Variants in MAD1L1 observed in about 807,000 individuals in gnomAD.
MAD1L1 encodes the protein mitotic arrest deficient 1 like 1, also known as mitotic spindle assembly checkpoint protein MAD1.
In MAD1L1, 95 loss-of-function variants were observed where a neutral mutation model predicts 96.9. The observed-to-expected ratio is 0.98, with a 90% CI of 0.83 to 1.16. The LOEUF is 1.16. Among genes scored for constraint, MAD1L1 ranks in the 50% most tolerant of loss-of-function variants. The pLI, the probability that MAD1L1 is intolerant of heterozygous loss-of-function variation, is 0.00. For missense variants in MAD1L1, 1,007 were observed against 954.4 expected (o/e 1.06, Z -0.73); for synonymous variants, 473 against 396.6 (o/e 1.19, Z -2.29).
intron 16 of MAD1L1, among the ~76,000 whole-genome samples, chr7:1,940,890 T>C (rs1486539392): frequency 1.3e-5 from 1 of 75,132 alleles, no homozygotes; most frequent in African/African-American, 5.7e-5. Flanking sequence ...CCGCACAGCG[T>C]GTACTCAGCC....
intron 10 of MAD1L1, among the ~76,000 whole-genome samples, chr7:2,208,889 C>G (rs930999160): frequency 5.3e-5 from 8 of 152,084 alleles, no homozygotes; most frequent in Admixed American, 3.9e-4. Flanking sequence ...CCTGGGAGAC[C>G]AAGCTGATCA....
chr7:2,224,308 C>T (rs985649860), intron 4 of MAD1L1, among the ~76,000 whole-genome samples: 1 of 152,150 alleles, frequency 6.6e-6, no homozygotes, highest in Non-Finnish European at 1.5e-5. Context: ...AGGGAGACTC[C>T]TGTGGACTCT....
chr7:2,108,623 C>T (rs1562694882), intron 11 of MAD1L1, among the ~76,000 whole-genome samples: 1 of 152,200 alleles, frequency 6.6e-6, no homozygotes, highest in Non-Finnish European at 1.5e-5. Context: ...CTGAACAAAG[C>T]CTTCCTCTGT....
rs575590121 is a variant in MAD1L1 at position 2,014,764 on chromosome 7, C to A, written c.1219-122G>T. ...GGGGGCTCCCTCGTGAGGACCCAGG[C>A]CAGCACTCAGAGCCCACCCCTGAGG... On this transcript the variant is annotated intron_variant, in intron 12 of 18. Coordinates refer to ENST00000265854, the MANE Select transcript of MAD1L1 (RefSeq NM_001013836.2). 6 of 1,187,246 alleles carry A rather than the reference C, an allele frequency of 5.1e-6. No homozygotes were observed. In the South Asian group the frequency reaches 6.8e-5, roughly 14 times the overall value. The allele number at this position is 1,187,246 out of a possible 1,614,324, so 73.5% of individuals were successfully genotyped here.
At chr7:1,993,094 G>A (rs753031593) in intron 14 of MAD1L1, among the ~76,000 whole-genome samples, 7 of 152,148 alleles carry the variant, frequency 4.6e-5, no homozygotes, top group African/African-American at 7.2e-5. Context: ...TCTAAGTTTC[G>A]TGGAGTGGAA....
At chr7:1,880,116 T>C (rs558856004) in intron 18 of MAD1L1, among the ~76,000 whole-genome samples, 1 of 152,286 alleles carries the variant, frequency 6.6e-6, no homozygotes, top group Non-Finnish European at 1.5e-5. Flanking sequence ...ATAGGCCAAC[T>C]AGGACTCGCC....
chr7:1,877,931 G>A (rs763641854), intron 18 of MAD1L1, among the ~76,000 whole-genome samples: 39 of 152,024 alleles, frequency 2.6e-4, no homozygotes, highest in South Asian at 4.1e-4. Flanking sequence ...TAAAAAAATC[G>A]ATAAAACTTA....
In MAD1L1 at chr7:2,161,987, G is replaced by A. The variant is rs542636851; in HGVS notation, c.987-12749C>T. ...GTCCGGGAGGTGGGGGGCGGCCCCC[G>A]CCCATCCGGGAGGTGGGGGGCGGCC... On this transcript the variant is annotated intron_variant, in intron 10 of 18. Coordinates refer to ENST00000265854, the MANE Select transcript of MAD1L1 (RefSeq NM_001013836.2). Among the ~76,000 whole-genome samples, 691 of 141,426 alleles carry A rather than the reference G, an allele frequency of 4.9e-3. 12 individuals carry two copies. Among genetic ancestry groups the A allele is most frequent in the African/African-American group, 0.017 (641 of 37,056 alleles). The allele number at this position is 141,426 out of a possible 152,430, so 92.8% of individuals were successfully genotyped here. A position where few individuals can be genotyped will look rare whatever the true frequency, so the allele number is the denominator to read the frequency against.
At chr7:2,132,015 C>A (rs1178808494) in intron 11 of MAD1L1, among the ~76,000 whole-genome samples, 1 of 152,212 alleles carries the variant, frequency 6.6e-6, no homozygotes, top group Non-Finnish European at 1.5e-5. Flanking sequence ...TCCTGACGCT[C>A]AGCGTGGTCC....
At position 2,177,838 on chromosome 7, in the gene MAD1L1, C is replaced by A. The variant is rs1791016645; in HGVS notation, c.987-28600G>T. On this transcript the variant is annotated intron_variant, in intron 10 of 18. Coordinates refer to ENST00000265854, the MANE Select transcript of MAD1L1 (RefSeq NM_001013836.2). Reference sequence around the variant, plus strand: ...GAGTTTGCATCTTCAACAAGAAGGGCAGTCTCAGTGGCTCTGGAGAAGGAC... The same window carrying A: ...GAGTTTGCATCTTCAACAAGAAGGGAAGTCTCAGTGGCTCTGGAGAAGGAC... Among the ~76,000 whole-genome samples, 3 of 152,342 alleles carry A rather than the reference C, an allele frequency of 2.0e-5. No homozygotes were observed. In the South Asian group the frequency reaches 6.2e-4, roughly 32 times the overall value.
intron 12 of MAD1L1, among the ~76,000 whole-genome samples, chr7:2,061,700 A>G (rs67830812): frequency 0.13 from 19,939 of 152,310 alleles, 1,881 homozygotes; most frequent in African/African-American, 0.26. Flanking sequence ...CAAACGTCAT[A>G]CACGTGTTAA....
At chr7:1,957,119 C>T (rs1779760324) in intron 16 of MAD1L1, among the ~76,000 whole-genome samples, 2 of 152,330 alleles carry the variant, frequency 1.3e-5, no homozygotes, top group African/African-American at 2.4e-5. Flanking sequence ...CAGCGCGGCT[C>T]GGAGCCGCCC....
chr7:1,919,161 G>A (rs572756473), intron 17 of MAD1L1, among the ~76,000 whole-genome samples: 4 of 152,376 alleles, frequency 2.6e-5, no homozygotes, highest in African/African-American at 9.6e-5. Context: ...AACTGCCCCA[G>A]GACCTGGGCC....
intron 16 of MAD1L1, among the ~76,000 whole-genome samples, chr7:1,939,396 G>A (rs917819018): frequency 1.3e-5 from 2 of 152,244 alleles, no homozygotes; most frequent in African/African-American, 2.4e-5. Context: ...CAGGGCTCCC[G>A]CCAAGTGCTG....
At chr7:2,087,399 G>T (rs1276809217) in intron 11 of MAD1L1, among the ~76,000 whole-genome samples, 1 of 152,112 alleles carries the variant, frequency 6.6e-6, no homozygotes, top group East Asian at 1.9e-4. Context: ...AATTAGCCAG[G>T]CCTGGTGGCG....
In MAD1L1 at chr7:1,898,195, C is replaced by A; in HGVS notation, c.1998+5G>T. The A allele has an allele frequency of 6.2e-7, 1 of 1,603,438 alleles. No individual in the cohort carries two copies. Among genetic ancestry groups the A allele is most frequent in the Non-Finnish European group, 8.5e-7 (1 of 1,174,832 alleles). ...AGCCGGAGAGCCGTCACACGCAGGA[C>A]CCACCTTGAAGATGAGGCAGTCGCC... On this transcript the variant is annotated splice_donor_5th_base_variant and intron_variant, in intron 18 of 18. Coordinates refer to ENST00000265854, the MANE Select transcript of MAD1L1 (RefSeq NM_001013836.2).
At chr7:1,846,579 G>T (rs1053869904) in intron 18 of MAD1L1, 1 of 155,036 alleles carries the variant, frequency 6.5e-6, no homozygotes, top group African/African-American at 2.4e-5. Context: ...GCCCTGGGAG[G>T]TCACTGGGAC....
intron 17 of MAD1L1, among the ~76,000 whole-genome samples, chr7:1,928,913 C>T (rs986577056): frequency 4.6e-5 from 7 of 152,322 alleles, no homozygotes; most frequent in African/African-American, 1.7e-4. Flanking sequence ...TCACTGAGGC[C>T]ACCTGTGGGG....
intron 17 of MAD1L1, among the ~76,000 whole-genome samples, chr7:1,934,826 T>C (rs1464423231): frequency 1.9e-3 from 177 of 91,008 alleles, no homozygotes; most frequent in Middle Eastern, 0.011. Flanking sequence ...AACAAACAGA[T>C]GGGCAAACCC....
Sources: gnomAD v4.1 joint callset for allele counts (sites outside exome capture counted in the v4.1 genomes callset) on GRCh38, gnomAD v4.1.1 for gene constraint, MANE v1.5 for transcripts, NCBI Gene and HGNC (gene_info 2026-07-23, HGNC 2026-07-21) for gene names.